DOCK9: variants seen among roughly 807,000 people sequenced by gnomAD.
The protein encoded by DOCK9 is dedicator of cytokinesis 9.
A neutral mutation model predicts 263.3 loss-of-function variants in DOCK9; 89 were observed. The observed-to-expected ratio is 0.34, with a 90% CI of 0.28 to 0.40. The LOEUF (loss-of-function observed/expected upper bound fraction) is 0.40, where lower values mean the gene tolerates loss of function less well. Ranked by LOEUF, DOCK9 falls within the 10% of genes least tolerant of loss-of-function variation. The pLI is 1.00. For missense variants in DOCK9, 2,140 were observed against 2,603.4 expected, an observed-to-expected ratio of 0.82 and a Z score of 3.87; for synonymous variants, 976 against 973.1, an observed-to-expected ratio of 1.00 and a Z score of -0.06.
chr13:98,915,994 T>C (rs2050830118), intron 7 of DOCK9, among the ~76,000 whole-genome samples: 1 of 152,236 alleles, frequency 6.6e-6, no homozygotes. Context: ...ATGTTTGGCT[T>C]ACTTATCTGG....
chr13:98,926,477 G>C (rs1363777418), intron 3 of DOCK9, among the ~76,000 whole-genome samples: 1 of 152,150 alleles, frequency 6.6e-6, no homozygotes, highest in Non-Finnish European at 1.5e-5. Context: ...CTGTGTGTGT[G>C]TACAGAATGT....
intron 11 of DOCK9, 105 bp downstream of exon 11, chr13:98,902,867 T>C (rs2048501292): frequency 1.8e-6 from 2 of 1,129,124 alleles, no homozygotes; most frequent in Middle Eastern, 2.2e-4. Flanking sequence ...CTGCACCTCT[T>C]TGATACCAGG....
chr13:99,053,914 A>G (rs1340568166), intron 1 of DOCK9, among the ~76,000 whole-genome samples: 1 of 150,992 alleles, frequency 6.6e-6, no homozygotes, highest in Non-Finnish European at 1.5e-5. Flanking sequence ...TCTTGCATTG[A>G]AAAAAAAACA....
chr13:98,957,826 CA>C (rs1319185270), intron 1 of DOCK9, among the ~76,000 whole-genome samples: 43 of 152,242 alleles, frequency 2.8e-4, no homozygotes, highest in African/African-American at 9.6e-4. Flanking sequence ...TCAGATGGAC[CA>C]ATACTGCAGA....
chr13:98,893,265 T>C (rs2046900081), intron 15 of DOCK9, among the ~76,000 whole-genome samples: 1 of 152,162 alleles, frequency 6.6e-6, no homozygotes, highest in Admixed American at 6.5e-5. Flanking sequence ...TTAAGCTGCA[T>C]ACGCAAAAAC....
In DOCK9 at chr13:99,005,555, G is replaced by C. The variant is rs189816946; in HGVS notation, c.130-50004C>G. 1.6e-4 allele frequency among the ~76,000 whole-genome samples: 24 copies of C among 152,168 alleles called. 1 individual carries two copies. The East Asian group carries it at 2.3e-3, about 15-fold the overall frequency. The stretch of plus-strand genomic sequence containing the variant: ...ATAAAAGAACATAAAATATAATAAA[G>C]GCAGTATCACAAACCACTGAGTAAG... On this transcript the variant is annotated intron_variant, in intron 1 of 32. Transcript: ENST00000427887.
At chr13:98,952,595 T>C (rs1567073681) in intron 2 of DOCK9, among the ~76,000 whole-genome samples, 1 of 152,212 alleles carries the variant, frequency 6.6e-6, no homozygotes, top group Non-Finnish European at 1.5e-5. Context: ...GCTGCTGTTG[T>C]AGTAACTACT....
chr13:98,868,285 T>G lies in DOCK9; in HGVS notation c.3036A>C (p.Arg1012=). Residue 1012 remains arginine (R), a synonymous_variant, in exon 28 of 53, where the codon CGA becomes CGC. Coordinates refer to ENST00000682017, the MANE Select transcript of DOCK9 (RefSeq NM_001366683.2). ...CGTTCTTAGATGCCTCTGGATTATCTCGAAACTTCTGAGTGATGTGTGGCA... is the reference window on the plus strand; with the variant it reads ...CGTTCTTAGATGCCTCTGGATTATCGCGAAACTTCTGAGTGATGTGTGGCA... The part of the protein sequence containing the change: ...MLMPHITQKF[R]DNPEASKNAN... 1 of 1,613,978 alleles carries G rather than the reference T, an allele frequency of 6.2e-7. No homozygotes were observed. Among genetic ancestry groups the G allele is most frequent in the Non-Finnish European group, 8.5e-7 (1 of 1,179,890 alleles).
At chr13:98,911,325 C>A (rs2049983923) in intron 9 of DOCK9, among the ~76,000 whole-genome samples, 1 of 152,084 alleles carries the variant, frequency 6.6e-6, no homozygotes, top group Non-Finnish European at 1.5e-5. Context: ...TTCAAATTCC[C>A]AACACAAAGA....
chr13:98,876,850 C>G (rs2043937750), intron 27 of DOCK9, among the ~76,000 whole-genome samples: 1 of 152,170 alleles, frequency 6.6e-6, no homozygotes, highest in African/African-American at 2.4e-5. Flanking sequence ...AAATGTTGAA[C>G]CCTCAAGGTG....
chr13:99,012,209 C>T (rs1039147630), intron 1 of DOCK9, among the ~76,000 whole-genome samples: 4 of 152,140 alleles, frequency 2.6e-5, no homozygotes, highest in Non-Finnish European at 4.4e-5. Flanking sequence ...ATAGTAGATT[C>T]CATTTTCTTA....
chr13:98,824,887 T>A (rs746855722), intron 44 of DOCK9, among the ~76,000 whole-genome samples: 6 of 152,160 alleles, frequency 3.9e-5, no homozygotes, highest in Non-Finnish European at 8.8e-5. Context: ...AAAGCCAATA[T>A]AAGAGAAATG....
Position 98,881,941 on chromosome 13 carries a change from G to T in DOCK9, c.2626C>A (p.Arg876=), listed in dbSNP as rs1413625871. The change falls in exon 24 of 53, where the codon CGA becomes AGA. Residue 876 remains arginine, a synonymous_variant. Transcript: ENST00000682017. ...FLPTILNQLF[R]VLTRATQEEV... ...TCCTGTGTGGCTCTGGTGAGGACTC[G>T]GAACAGCTGGTTTAGGATAGTGGGC... 6.3e-7 allele frequency: 1 copy of T among 1,599,416 alleles called. No homozygotes were observed. The highest frequency in any genetic ancestry group is 2.3e-5 in the East Asian group (1 of 44,386).
chr13:98,962,637 T>TA lies in DOCK9; in HGVS notation c.127-7087dup, dbSNP rs879444282. 8.5e-3 allele frequency among the ~76,000 whole-genome samples: 1,082 copies of TA among 127,316 alleles called. 9 individuals carry two copies. Among genetic ancestry groups the TA allele is most frequent in the Admixed American group, 0.013 (168 of 12,546 alleles). 83.5% of individuals were successfully genotyped at this position (127,316 alleles called of 152,430 possible). On this transcript the variant is annotated intron_variant, in intron 1 of 52. Coordinates refer to ENST00000682017, the MANE Select transcript of DOCK9 (RefSeq NM_001366683.2). The stretch of plus-strand genomic sequence containing the variant: ...AATATGTTGCTTGCATGATAGGTTT[T>TA]AAAAAAAAAAAAAAGAAAAAAAAAC...
At chr13:99,074,568 T>C (rs1212563117) in intron 1 of DOCK9, among the ~76,000 whole-genome samples, 4 of 152,166 alleles carry the variant, frequency 2.6e-5, no homozygotes, top group Non-Finnish European at 4.4e-5. Context: ...TTAAAGTCAT[T>C]TGGTTCCTGA....
intron 1 of DOCK9, among the ~76,000 whole-genome samples, chr13:99,037,563 A>G (rs902177347): frequency 2.0e-4 from 31 of 152,350 alleles, no homozygotes; most frequent in African/African-American, 7.5e-4. Context: ...AGTTTTGTAA[A>G]AAGTATACAT....
chr13:99,048,135 A>G (rs2040522713), intron 1 of DOCK9, among the ~76,000 whole-genome samples: 1 of 152,210 alleles, frequency 6.6e-6, no homozygotes, highest in Admixed American at 6.5e-5. Context: ...GTTATGGAAA[A>G]TCTTCATACG....
At chr13:99,043,991 G>A (rs1428200390) in intron 1 of DOCK9, among the ~76,000 whole-genome samples, 1 of 152,172 alleles carries the variant, frequency 6.6e-6, no homozygotes, top group Non-Finnish European at 1.5e-5. Context: ...ATGAATAAAT[G>A]TGACTCACTC....
intron 1 of DOCK9, among the ~76,000 whole-genome samples, chr13:99,060,159 C>T (rs1402429664): frequency 6.8e-6 from 1 of 146,186 alleles, no homozygotes; most frequent in African/African-American, 2.6e-5. Flanking sequence ...CTGCAAACTC[C>T]GCCTCCAGGG....
Sources: gnomAD v4.1 joint callset for allele counts (sites outside exome capture counted in the v4.1 genomes callset) on GRCh38, gnomAD v4.1.1 for gene constraint, MANE v1.5 for transcripts, NCBI Gene and HGNC (gene_info 2026-07-23, HGNC 2026-07-21) for gene names.